The following RUNDC3B variants were observed in gnomAD, a reference collection of about 807,000 sequenced individuals.
The protein encoded by RUNDC3B is RUN domain containing 3B.
RUNDC3B carries 33 observed loss-of-function variants against 58.4 expected under a neutral mutation model. The observed-to-expected ratio is 0.56, with a 90% confidence interval of 0.43 to 0.75. The LOEUF (loss-of-function observed/expected upper bound fraction) is 0.75, where lower values mean the gene tolerates loss of function less well. Among genes scored for constraint, RUNDC3B ranks in the 30% least tolerant of loss-of-function variants. The pLI is 0.00. For missense variants in RUNDC3B, 501 were observed against 535.7 expected, an observed-to-expected ratio of 0.94 and a Z score of 0.64; for synonymous variants, 193 against 195.2, an observed-to-expected ratio of 0.99 and a Z score of 0.10.
chr7:87,766,068 G>A lies in RUNDC3B; in HGVS notation c.630-4513G>A, dbSNP rs144919851. Among the ~76,000 whole-genome samples, 9 of 152,114 alleles carry A rather than the reference G, an allele frequency of 5.9e-5. No homozygotes were observed. The East Asian group carries it at 1.5e-3, about 26-fold the overall frequency. On this transcript the variant is annotated intron_variant, in intron 6 of 10. Coordinates refer to ENST00000394654, the MANE Select transcript of RUNDC3B (RefSeq NM_001134405.2). ...AATGACCTTCCTTGTCTTTTTCACT[G>A]TTGTTGATTTAAAGTCTGTTTTGTA...
At chr7:87,647,650 C>G (rs1314035961) in intron 1 of RUNDC3B, among the ~76,000 whole-genome samples, 1 of 152,220 alleles carries the variant, frequency 6.6e-6, no homozygotes, top group East Asian at 1.9e-4. Flanking sequence ...CCTACAATAA[C>G]GTGGTTTCAA....
At chr7:87,657,858 A>G (rs1824269964) in intron 2 of RUNDC3B, among the ~76,000 whole-genome samples, 1 of 152,108 alleles carries the variant, frequency 6.6e-6, no homozygotes, top group Admixed American at 6.6e-5. Flanking sequence ...GGGAAACTTG[A>G]ACTTCATCCT....
At chr7:87,638,193 A>T (rs1360157811) in intron 1 of RUNDC3B, among the ~76,000 whole-genome samples, 2 of 152,082 alleles carry the variant, frequency 1.3e-5, no homozygotes, top group Non-Finnish European at 2.9e-5. Context: ...TCTTTTTGAC[A>T]TATTTTTGCA....
intron 1 of RUNDC3B, among the ~76,000 whole-genome samples, chr7:87,638,165 A>T (rs1334190261): frequency 6.6e-6 from 1 of 152,130 alleles, no homozygotes; most frequent in Non-Finnish European, 1.5e-5. Context: ...TAAAAAAACA[A>T]TCAGTTGTGA....
chr7:87,633,140 C>T (rs1310743186), intron 1 of RUNDC3B, among the ~76,000 whole-genome samples: 1 of 152,156 alleles, frequency 6.6e-6, no homozygotes. Flanking sequence ...GAATGAGAAG[C>T]TTATATTTTT....
chr7:87,778,190 C>T (rs1354008031), intron 8 of RUNDC3B, among the ~76,000 whole-genome samples: 2 of 152,034 alleles, frequency 1.3e-5, no homozygotes, highest in African/African-American at 4.8e-5. Context: ...TATCTGTAAT[C>T]CCCCCACTGG....
intron 2 of RUNDC3B, among the ~76,000 whole-genome samples, chr7:87,687,226 T>G (rs193214316): frequency 1.5e-3 from 235 of 152,278 alleles, no homozygotes; most frequent in Non-Finnish European, 2.7e-3. Flanking sequence ...TTATCAGTCT[T>G]TTGATTTTTC....
At chr7:87,672,295 G>A (rs567517367) in intron 2 of RUNDC3B, among the ~76,000 whole-genome samples, 1 of 152,314 alleles carries the variant, frequency 6.6e-6, no homozygotes, top group South Asian at 2.1e-4. Flanking sequence ...GCTATGCTGG[G>A]GGATCCTTTC....
At chr7:87,667,387 C>G (rs1299716432) in intron 2 of RUNDC3B, among the ~76,000 whole-genome samples, 1 of 151,330 alleles carries the variant, frequency 6.6e-6, no homozygotes, top group South Asian at 2.1e-4. Context: ...AACTTTTGGG[C>G]CAAGACTATG....
intron 9 of RUNDC3B, among the ~76,000 whole-genome samples, chr7:87,815,752 T>C (rs1836993409): frequency 6.6e-6 from 1 of 152,122 alleles, no homozygotes; most frequent in Non-Finnish European, 1.5e-5. Flanking sequence ...AATTCTGAAG[T>C]GCTTAAAAGA....
intron 2 of RUNDC3B, among the ~76,000 whole-genome samples, chr7:87,682,464 G>T (rs1464637523): frequency 6.6e-6 from 1 of 152,166 alleles, no homozygotes; most frequent in East Asian, 1.9e-4. Flanking sequence ...TTTTTCAATA[G>T]TAAGACTTGG....
intron 2 of RUNDC3B, among the ~76,000 whole-genome samples, chr7:87,663,731 C>G (rs894890405): frequency 6.6e-6 from 1 of 152,106 alleles, no homozygotes; most frequent in Admixed American, 6.6e-5. Context: ...ATACTACATA[C>G]TGAGAGGCTT....
intron 2 of RUNDC3B, among the ~76,000 whole-genome samples, chr7:87,670,887 TG>T (rs967592753): frequency 3.3e-5 from 5 of 152,222 alleles, no homozygotes; most frequent in Non-Finnish European, 7.3e-5. Context: ...GTTCTGAAAG[TG>T]TGAGTTTCTC....
chr7:87,770,795 GC>G, intron 7 of RUNDC3B, 46 bp downstream of exon 7: 1 of 1,334,854 alleles, frequency 7.5e-7, no homozygotes, highest in Non-Finnish European at 1.0e-6. Flanking sequence ...TCTAGTTATT[GC>G]CTTTGAACTG....
intron 6 of RUNDC3B, among the ~76,000 whole-genome samples, chr7:87,758,178 T>G (rs1013887986): frequency 2.0e-5 from 3 of 152,006 alleles, no homozygotes; most frequent in African/African-American, 7.2e-5. Context: ...AAAACTTAGC[T>G]GGACATGGTG....
At chr7:87,693,117 T>G (rs918543523) in intron 2 of RUNDC3B, among the ~76,000 whole-genome samples, 1 of 152,162 alleles carries the variant, frequency 6.6e-6, no homozygotes, top group Non-Finnish European at 1.5e-5. Context: ...TGTTATTTTT[T>G]GGGAATGTTA....
At position 87,796,831 on chromosome 7, in the gene RUNDC3B, G is replaced by A. The variant is rs540630809; in HGVS notation, c.957-10542G>A. On this transcript the variant is annotated intron_variant, in intron 8 of 10. Transcript: ENST00000394654. ...AGGTAAAATTAAAGAACACCAGACA[G>A]TAATTTAAAGCTGTATGAAGAAATA... Among the ~76,000 whole-genome samples the A allele has an allele frequency of 2.0e-5, 3 of 152,250 alleles. No individual in the cohort carries two copies. In the East Asian group the frequency reaches 5.8e-4, roughly 29 times the overall value.
At chr7:87,750,052 C>T (rs1832875998) in intron 6 of RUNDC3B, among the ~76,000 whole-genome samples, 2 of 151,932 alleles carry the variant, frequency 1.3e-5, no homozygotes, top group African/African-American at 2.4e-5. Flanking sequence ...CAACAGGTCC[C>T]AGAGTGTGAT....
chr7:87,811,001 C>G (rs1052195490), intron 9 of RUNDC3B, among the ~76,000 whole-genome samples: 2 of 152,078 alleles, frequency 1.3e-5, no homozygotes, highest in African/African-American at 4.8e-5. Flanking sequence ...AAACATGTTC[C>G]TTTAACACAC....
Sources: gnomAD v4.1 joint callset for allele counts (sites outside exome capture counted in the v4.1 genomes callset) on GRCh38, gnomAD v4.1.1 for gene constraint, MANE v1.5 for transcripts, NCBI Gene and HGNC (gene_info 2026-07-23, HGNC 2026-07-21) for gene names.